Variants in WLS observed in about 807,000 individuals in gnomAD.
WLS encodes the protein protein wntless homolog.
Under a neutral mutation model 62.8 loss-of-function variants are expected in WLS, and 23 were observed. The observed-to-expected ratio is 0.37, with a 90% confidence interval of 0.26 to 0.52. The LOEUF is 0.52. WLS is among the 20% of genes least tolerant of loss of function. WLS has a pLI of 0.92. For synonymous variants in WLS, 246 were observed against 244.1 expected, an observed-to-expected ratio of 1.01 and a Z score of -0.07; for missense variants, 615 against 697.3, an observed-to-expected ratio of 0.88 and a Z score of 1.33.
At chr1:68,154,964 C>T in intron 4 of WLS, 135 bp downstream of exon 4, 1 of 970,320 alleles carries the variant, frequency 1.0e-6, no homozygotes, top group Non-Finnish European at 1.5e-6. Context: ...CAAATTAGTT[C>T]ACTTTATGAT....
intron 11 of WLS, among the ~76,000 whole-genome samples, chr1:68,129,949 AT>A: frequency 6.6e-6 from 1 of 152,382 alleles, no homozygotes; most frequent in Non-Finnish European, 1.5e-5. Flanking sequence ...ATCACAGCTC[AT>A]TAACAATTAG....
intron 5 of WLS, among the ~76,000 whole-genome samples, chr1:68,153,261 G>A (rs1374247252): frequency 6.6e-6 from 1 of 152,164 alleles, no homozygotes; most frequent in Admixed American, 6.5e-5. Context: ...ACAACAGAGT[G>A]AGACCTTGTC....
chr1:68,224,497 G>A (rs1482592233), intron 1 of WLS, among the ~76,000 whole-genome samples: 2 of 152,174 alleles, frequency 1.3e-5, no homozygotes, highest in African/African-American at 4.8e-5. Context: ...GGAACATTCA[G>A]AGGGCCCACT....
chr1:68,136,984 A>G (rs1646620108), intron 11 of WLS, among the ~76,000 whole-genome samples: 2 of 152,210 alleles, frequency 1.3e-5, no homozygotes, highest in South Asian at 4.1e-4. Flanking sequence ...CAGGTGTAAA[A>G]AGAGACAGAA....
intron 2 of WLS, among the ~76,000 whole-genome samples, chr1:68,174,715 A>G (rs1647206627): frequency 6.6e-6 from 1 of 152,150 alleles, no homozygotes; most frequent in Non-Finnish European, 1.5e-5. Flanking sequence ...CTTTCGGGTC[A>G]CGCTAGCACT....
At position 68,146,589 on chromosome 1, in the gene WLS, T is replaced by TG. The variant is rs1164963085; in HGVS notation, c.1135-578dup. ...CTGGCATAATTGAAGAGGAGATACG[T>TG]GGGGGCTCAGTGCAGGGGACCTGGG... On this transcript the variant is annotated intron_variant, in intron 8 of 11. Coordinates refer to ENST00000262348, the MANE Select transcript of WLS (RefSeq NM_024911.7). Among the ~76,000 whole-genome samples, 10 of 152,136 alleles carry TG rather than the reference T, an allele frequency of 6.6e-5. 1 individual carries two copies. The highest frequency in any genetic ancestry group is 2.4e-4 in the African/African-American group (10 of 41,418).
intron 2 of WLS, among the ~76,000 whole-genome samples, chr1:68,172,169 G>C (rs1221628086): frequency 6.6e-6 from 1 of 151,916 alleles, no homozygotes; most frequent in East Asian, 1.9e-4. Flanking sequence ...TGAGGGGTGG[G>C]GGGATGGGGG....
intron 11 of WLS, among the ~76,000 whole-genome samples, chr1:68,115,027 T>C (rs1646272981): frequency 6.6e-6 from 1 of 152,208 alleles, no homozygotes; most frequent in Non-Finnish European, 1.5e-5. Flanking sequence ...CTCATAATGC[T>C]GGTCTGCAGC....
At position 68,145,994 on chromosome 1, in the gene WLS, C is replaced by T; in HGVS notation, c.1153G>A (p.Ala385Thr). ...AAGTAGAGGCAGAGGCAGATTCCAG[C>T]CACGATGATGAAGGCCATCTGGTCG... Reference protein sequence around the residue: ...TELAMAFIIVAGICLCLYFLF... With the variant: ...TELAMAFIIVTGICLCLYFLF... The change falls in exon 9 of 12, where the codon GCT (alanine) becomes ACT (threonine). Residue 385 changes from alanine (A) to threonine (T), a missense_variant. Physicochemically the swap from Ala to Thr is moderately conservative, Grantham distance 58. Coordinates refer to ENST00000262348, the MANE Select transcript of WLS (RefSeq NM_024911.7). 1.9e-6 allele frequency: 3 copies of T among 1,614,070 alleles called. No homozygotes were observed. The highest frequency in any genetic ancestry group is 2.5e-6 in the Non-Finnish European group (3 of 1,179,992).
intron 11 of WLS, chr1:68,100,720 G>C (rs1435983564): frequency 6.6e-6 from 1 of 152,078 alleles, no homozygotes; most frequent in African/African-American, 2.4e-5. Flanking sequence ...TGTCGGAATG[G>C]ACTCTTTGTG....
intron 2 of WLS, among the ~76,000 whole-genome samples, chr1:68,165,607 G>A (rs1647049215): frequency 6.6e-6 from 1 of 152,186 alleles, no homozygotes; most frequent in Non-Finnish European, 1.5e-5. Flanking sequence ...TATGAACAGA[G>A]CTTGAGCTCG....
chr1:68,123,699 C>T (rs547156925), downstream of WLS, among the ~76,000 whole-genome samples: 22 of 152,274 alleles, frequency 1.4e-4, no homozygotes, highest in Admixed American at 8.5e-4. Flanking sequence ...CCCAAGCAGC[C>T]ATTTGACCTG....
At chr1:68,158,676 G>A (rs1385313928) in intron 3 of WLS, among the ~76,000 whole-genome samples, 1 of 152,170 alleles carries the variant, frequency 6.6e-6, no homozygotes, top group Non-Finnish European at 1.5e-5. Context: ...GCCGTCCTGG[G>A]CTGCATGCGG....
intron 2 of WLS, among the ~76,000 whole-genome samples, chr1:68,190,066 A>G (rs747252942): frequency 1.8e-4 from 27 of 152,262 alleles, no homozygotes; most frequent in Non-Finnish European, 3.8e-4. Flanking sequence ...ACATAAACTA[A>G]TTTATTCCTT....
At chr1:68,127,080 A>G in intron 11 of WLS, 1 of 402,368 alleles carries the variant, frequency 2.5e-6, no homozygotes, top group South Asian at 1.7e-5. Flanking sequence ...TTGTAACCTC[A>G]GCTACTCAGG....
intron 2 of WLS, among the ~76,000 whole-genome samples, chr1:68,191,634 G>A (rs1442919928): frequency 2.6e-5 from 4 of 152,102 alleles, no homozygotes; most frequent in Non-Finnish European, 2.9e-5. Flanking sequence ...GTATGGCTGG[G>A]ACTTAATAAA....
At chr1:68,147,295 G>T (rs75813423) in intron 8 of WLS, among the ~76,000 whole-genome samples, 1 of 152,086 alleles carries the variant, frequency 6.6e-6, no homozygotes, top group South Asian at 2.1e-4. Context: ...CTAACATTTG[G>T]TGGGGGCATA....
intron 11 of WLS, among the ~76,000 whole-genome samples, chr1:68,114,170 C>T (rs964486425): frequency 6.6e-6 from 1 of 152,176 alleles, no homozygotes; most frequent in African/African-American, 2.4e-5. Context: ...AAATCTGAAT[C>T]ATGCCTACTG....
intron 2 of WLS, among the ~76,000 whole-genome samples, chr1:68,193,073 C>T (rs1339674855): frequency 2.0e-5 from 3 of 149,610 alleles, no homozygotes; most frequent in African/African-American, 7.4e-5. Context: ...TGAGCCACTG[C>T]ACTCCAGCCT....
Sources: gnomAD v4.1 joint callset for allele counts (sites outside exome capture counted in the v4.1 genomes callset) on GRCh38, gnomAD v4.1.1 for gene constraint, MANE v1.5 for transcripts, NCBI Gene and HGNC (gene_info 2026-07-23, HGNC 2026-07-21) for gene names.